Variants in ERP44 observed in about 807,000 individuals in gnomAD.
The protein encoded by ERP44 is endoplasmic reticulum protein 44.
ERP44 carries 25 observed loss-of-function variants against 53.4 expected under a neutral mutation model. That is an observed-to-expected ratio of 0.47 (90% confidence interval 0.34 to 0.65). The LOEUF (loss-of-function observed/expected upper bound fraction) is 0.65, where lower values mean the gene tolerates loss of function less well. Among genes scored for constraint, ERP44 ranks in the 30% least tolerant of loss-of-function variants. ERP44 has a pLI of 0.01. For synonymous variants in ERP44, 145 were observed against 161.2 expected, an observed-to-expected ratio of 0.90 and a Z score of 0.76; for missense variants, 338 against 493.2, an observed-to-expected ratio of 0.69 and a Z score of 2.98.
intron 1 of ERP44, among the ~76,000 whole-genome samples, chr9:100,086,303 A>C (rs1826481460): frequency 6.6e-6 from 1 of 152,242 alleles, no homozygotes; most frequent in African/African-American, 2.4e-5. Context: ...TATTTTGATA[A>C]GGCTATGTCA....
intron 1 of ERP44, among the ~76,000 whole-genome samples, chr9:100,067,365 A>ATT (rs540623821): frequency 2.0e-5 from 3 of 151,752 alleles, no homozygotes; most frequent in African/African-American, 4.9e-5. Context: ...TGGTTTTCGT[A>ATT]TTTTTTTGGT....
intron 1 of ERP44, among the ~76,000 whole-genome samples, chr9:100,076,413 G>A (rs1826356752): frequency 6.6e-6 from 1 of 152,200 alleles, no homozygotes. Flanking sequence ...AGCTGACAGA[G>A]GAAGAGAAGA....
At chr9:100,096,385 A>G (rs1459826408) in intron 1 of ERP44, among the ~76,000 whole-genome samples, 1 of 151,810 alleles carries the variant, frequency 6.6e-6, no homozygotes, top group African/African-American at 2.4e-5. Flanking sequence ...AAAAATCTAT[A>G]TAGACGCAAA....
chr9:100,020,679 T>A lies in ERP44; in HGVS notation c.524A>T (p.Tyr175Phe). The A allele has an allele frequency of 6.2e-7, 1 of 1,611,202 alleles. No homozygotes were observed. Among genetic ancestry groups the A allele is most frequent in the Non-Finnish European group, 8.5e-7 (1 of 1,177,760 alleles). Reference protein sequence around the residue: ...GYFEQKDSDNYRVFERVANIL... With the variant: ...GYFEQKDSDNFRVFERVANIL... ...ATTCGCTACTCGTTCAAAAACTCTATAGTTGTCCGAGTCCTTTTGCTCAAA... is the reference window on the plus strand; with the variant it reads ...ATTCGCTACTCGTTCAAAAACTCTAAAGTTGTCCGAGTCCTTTTGCTCAAA... Residue 175 changes from tyrosine to phenylalanine, a missense_variant, in exon 6 of 12, where the codon TAT becomes TTT. Around this residue, in one of 3 missense-constraint regions of ERP44, gnomAD observed 224 missense variants for 301.4 expected, o/e 0.74. Coordinates refer to ENST00000262455, the MANE Select transcript of ERP44 (RefSeq NM_015051.3).
chr9:100,040,306 T>A (rs1825887594), intron 4 of ERP44, among the ~76,000 whole-genome samples: 1 of 152,186 alleles, frequency 6.6e-6, no homozygotes, highest in African/African-American at 2.4e-5. Flanking sequence ...ATTAGAAAGA[T>A]CATTAATCAT....
In ERP44 at chr9:99,982,178, G is replaced by A. The variant is rs1401307517; in HGVS notation, c.*434C>T. ...AATTTATTCCCCTCCCAAGTATCCAGAATGTATATCTCTTTAGCTTTGAGA... is the reference window on the plus strand; with the variant it reads ...AATTTATTCCCCTCCCAAGTATCCAAAATGTATATCTCTTTAGCTTTGAGA... On this transcript the variant is annotated 3_prime_UTR_variant, in exon 12 of 12. Transcript: ENST00000262455. The A allele has an allele frequency of 6.5e-6, 1 of 152,686 alleles. No individual in the cohort carries two copies. The highest frequency in any genetic ancestry group is 2.4e-5 in the African/African-American group (1 of 41,418). 9.5% of individuals were successfully genotyped at this position (152,686 alleles called of 1,614,324 possible).
chr9:99,998,891 A>C (rs1322265226), intron 10 of ERP44: 5 of 1,590,522 alleles, frequency 3.1e-6, no homozygotes, highest in Non-Finnish European at 4.3e-6. Flanking sequence ...CTTCGCCTCC[A>C]TCTCCCCCAG....
intron 3 of ERP44, among the ~76,000 whole-genome samples, chr9:100,056,775 A>G (rs1296479410): frequency 1.3e-5 from 2 of 152,222 alleles, no homozygotes; most frequent in Non-Finnish European, 2.9e-5. Context: ...TTTTATAGGA[A>G]TTGAAAGAAG....
At chr9:100,084,001 C>T (rs1463769153) in intron 1 of ERP44, among the ~76,000 whole-genome samples, 1 of 152,096 alleles carries the variant, frequency 6.6e-6, no homozygotes, top group Non-Finnish European at 1.5e-5. Flanking sequence ...GAAAGACAGA[C>T]GGACAGACAG....
At chr9:100,062,076 ATC>A (rs753843441) in intron 1 of ERP44, among the ~76,000 whole-genome samples, 40 of 152,106 alleles carry the variant, frequency 2.6e-4, no homozygotes, top group Non-Finnish European at 5.1e-4. Flanking sequence ...GAATATCCCA[ATC>A]TCTGCGGACA....
intron 3 of ERP44, among the ~76,000 whole-genome samples, chr9:100,056,104 C>G (rs1227078688): frequency 6.6e-6 from 1 of 152,216 alleles, no homozygotes; most frequent in Non-Finnish European, 1.5e-5. Context: ...TTTCTTGCAA[C>G]ACACAAAATC....
At chr9:100,025,891 T>C (rs183777455) in intron 4 of ERP44, among the ~76,000 whole-genome samples, 19 of 152,340 alleles carry the variant, frequency 1.2e-4, no homozygotes, top group African/African-American at 4.6e-4. Context: ...GATTTCCATT[T>C]TCAAGCAGGG....
At chr9:100,006,397 A>G in intron 10 of ERP44, 109 bp downstream of exon 10, 1 of 812,780 alleles carries the variant, frequency 1.2e-6, no homozygotes, top group East Asian at 2.7e-5. Context: ...TCCAGTTAAC[A>G]AAGTCTTACT....
intron 1 of ERP44, among the ~76,000 whole-genome samples, chr9:100,073,287 C>G (rs1826324737): frequency 6.6e-6 from 1 of 152,010 alleles, no homozygotes; most frequent in African/African-American, 2.4e-5. Flanking sequence ...AAAAACTAAA[C>G]AATTGGTCAT....
At chr9:100,078,013 G>T (rs1826377845) in intron 1 of ERP44, among the ~76,000 whole-genome samples, 5 of 152,236 alleles carry the variant, frequency 3.3e-5, no homozygotes. Context: ...CTTGCTGAAA[G>T]CAAAGGAAAT....
At chr9:100,031,524 TAA>T (rs1825789924) in intron 4 of ERP44, among the ~76,000 whole-genome samples, 1 of 152,192 alleles carries the variant, frequency 6.6e-6, no homozygotes, top group African/African-American at 2.4e-5. Context: ...TTGATATCTG[TAA>T]GACCTTTATC....
chr9:100,079,751 C>G (rs549163265), intron 1 of ERP44, among the ~76,000 whole-genome samples: 2 of 152,004 alleles, frequency 1.3e-5, no homozygotes. Context: ...CTAGTCAGCA[C>G]AGCAAGACCC....
intron 10 of ERP44, among the ~76,000 whole-genome samples, chr9:99,995,920 C>CTTTTTTTTTT (rs34632626): frequency 2.3e-4 from 28 of 121,400 alleles, no homozygotes; most frequent in African/African-American, 2.4e-4. Context: ...TAGGGTAGTT[C>CTTTTTTTTTT]TTTTTTTTTT....
chr9:99,979,912 A>G lies in ERP44; in HGVS notation c.*2700T>C, dbSNP rs1336647847. ...TGTTGATGGATCTCTTCTGCCTACAATATATACTACAAACCCCTTAGTCTG... is the reference window on the plus strand; with the variant it reads ...TGTTGATGGATCTCTTCTGCCTACAGTATATACTACAAACCCCTTAGTCTG... On this transcript the variant is annotated 3_prime_UTR_variant, in exon 12 of 12. Coordinates refer to ENST00000262455, the MANE Select transcript of ERP44 (RefSeq NM_015051.3). 1.8e-5 allele frequency: 7 copies of G among 398,348 alleles called. No homozygotes were observed. The highest frequency in any genetic ancestry group is 2.7e-5 in the Non-Finnish European group (6 of 225,970). 24.7% of individuals were successfully genotyped at this position (398,348 alleles called of 1,614,324 possible). A position where few individuals can be genotyped will look rare whatever the true frequency, so the allele number is the denominator to read the frequency against.
Sources: gnomAD v4.1 joint callset for allele counts (sites outside exome capture counted in the v4.1 genomes callset) on GRCh38, gnomAD v4.1.1 for gene constraint, gnomAD v4.1.1 regional missense constraint, MANE v1.5 for transcripts, NCBI Gene and HGNC (gene_info 2026-07-23, HGNC 2026-07-21) for gene names.